NPSR1: variants seen among roughly 807,000 people sequenced by gnomAD.
NPSR1 encodes neuropeptide S receptor.
NPSR1 carries 48 observed loss-of-function variants against 46.9 expected under a neutral mutation model. That is an observed-to-expected ratio of 1.02 (90% CI 0.81 to 1.30). The LOEUF (loss-of-function observed/expected upper bound fraction) is 1.30. Among genes scored for constraint, NPSR1 ranks in the 50% most tolerant of loss-of-function variants. The pLI is 0.00. For missense variants in NPSR1, 450 were observed against 449.5 expected, an observed-to-expected ratio of 1.00 and a Z score of -0.01; for synonymous variants, 176 against 168.1, an observed-to-expected ratio of 1.05 and a Z score of -0.36.
chr7:34,843,934 G>A (rs1044980432), intron 6 of NPSR1, among the ~76,000 whole-genome samples: 2 of 152,208 alleles, frequency 1.3e-5, no homozygotes, highest in Non-Finnish European at 2.9e-5. Context: ...TGAGAGTTGT[G>A]TGGGGCTGGC....
downstream of NPSR1, among the ~76,000 whole-genome samples, chr7:34,851,332 T>C (rs909871801): frequency 1.3e-5 from 2 of 151,804 alleles, no homozygotes; most frequent in Non-Finnish European, 2.9e-5. Context: ...ATAAACTCTT[T>C]TCAATTCGAT....
intron 2 of NPSR1, among the ~76,000 whole-genome samples, chr7:34,758,805 A>G (rs755650709): frequency 2.0e-5 from 3 of 152,200 alleles, no homozygotes; most frequent in Admixed American, 6.5e-5. Context: ...AATGTCACCA[A>G]TTATCCCAAG....
At chr7:34,818,828 C>T (rs1789393993) in intron 4 of NPSR1, among the ~76,000 whole-genome samples, 2 of 152,178 alleles carry the variant, frequency 1.3e-5, no homozygotes, top group Admixed American at 1.3e-4. Flanking sequence ...AAACGATTCC[C>T]TATTTAATAA....
intron 6 of NPSR1, among the ~76,000 whole-genome samples, chr7:34,842,309 TC>T (rs1790594630): frequency 6.6e-6 from 1 of 152,200 alleles, no homozygotes; most frequent in Non-Finnish European, 1.5e-5. Flanking sequence ...AAAGCCTGTG[TC>T]CTTCCCAAGA....
chr7:34,731,414 AG>A (rs1268485860), intron 2 of NPSR1, among the ~76,000 whole-genome samples: 1 of 152,222 alleles, frequency 6.6e-6, no homozygotes, highest in Non-Finnish European at 1.5e-5. Flanking sequence ...AAAAGAAAGT[AG>A]GTTTTAAGAA....
At chr7:34,685,498 A>AG (rs535946148) in intron 2 of NPSR1, among the ~76,000 whole-genome samples, 2 of 143,908 alleles carry the variant, frequency 1.4e-5, no homozygotes, top group Non-Finnish European at 3.0e-5. Context: ...ATCAGACTAT[A>AG]GAAAAAAAAA....
In NPSR1 at chr7:34,788,606, G is replaced by A. The variant is rs1584021611; in HGVS notation, c.384+10041G>A. ...AATAATAAACGGATTATTTCATCAG[G>A]AAGAAATAACAGTTATAAATATATA... On this transcript the variant is annotated intron_variant, in intron 3 of 8. Coordinates refer to ENST00000360581, the MANE Select transcript of NPSR1 (RefSeq NM_207172.2). Among the ~76,000 whole-genome samples, 6 of 152,060 alleles carry A rather than the reference G, an allele frequency of 3.9e-5. No individual in the cohort carries two copies. The South Asian group carries it at 1.2e-3, about 32-fold the overall frequency.
chr7:34,790,726 A>G (rs950255957), intron 3 of NPSR1, among the ~76,000 whole-genome samples: 1 of 123,704 alleles, frequency 8.1e-6, no homozygotes, highest in Non-Finnish European at 1.7e-5. Flanking sequence ...AATATATGTT[A>G]TATGTTATAT....
chr7:34,725,656 CT>C (rs1384299745), intron 2 of NPSR1, among the ~76,000 whole-genome samples: 12 of 152,220 alleles, frequency 7.9e-5, no homozygotes, highest in Non-Finnish European at 1.5e-5. Context: ...CCCATACCAG[CT>C]GTTTTCACCA....
At chr7:34,779,496 T>G in intron 3 of NPSR1, 1 of 771,104 alleles carries the variant, frequency 1.3e-6, no homozygotes, top group Non-Finnish European at 1.9e-6. Flanking sequence ...TGTATATATA[T>G]TCATAAGTAA....
chr7:34,714,327 C>T (rs1038182640), intron 2 of NPSR1, among the ~76,000 whole-genome samples: 1 of 152,278 alleles, frequency 6.6e-6, no homozygotes, highest in Non-Finnish European at 1.5e-5. Flanking sequence ...TTCAGGGAGA[C>T]GGGACCACAC....
chr7:34,779,668 C>T (rs1214345294), intron 3 of NPSR1: 2 of 841,568 alleles, frequency 2.4e-6, no homozygotes, highest in African/African-American at 1.8e-5. Context: ...TTATGTACGG[C>T]TAGTATTTTC....
chr7:34,675,415 C>G (rs1562643472), intron 1 of NPSR1, among the ~76,000 whole-genome samples: 1 of 152,240 alleles, frequency 6.6e-6, no homozygotes, highest in Non-Finnish European at 1.5e-5. Flanking sequence ...TAAATCCAGA[C>G]TAGCCTGACA....
Position 34,827,393 on chromosome 7 carries a change from T to A in NPSR1, c.479-8T>A. On this transcript the variant is annotated splice_polypyrimidine_tract_variant and splice_region_variant and intron_variant, in intron 4 of 8. Coordinates refer to ENST00000360581, the MANE Select transcript of NPSR1 (RefSeq NM_207172.2). ...ATACCCAGACATTCCTCTCTTTTCT[T>A]TGGGCAGAAAAGCAAGCCAGGGTCC... 1.2e-6 allele frequency: 2 copies of A among 1,613,368 alleles called. No individual in the cohort carries two copies. Among genetic ancestry groups the A allele is most frequent in the South Asian group, 2.2e-5 (2 of 91,048 alleles).
rs551733860 is a variant in NPSR1 at position 34,845,208 on chromosome 7, G to T, written c.844+226G>T. The stretch of plus-strand genomic sequence containing the variant: ...ATACAGCTGCCTGCCAAGGCTATGG[G>T]TTGAATAATTTGGAGAAAATCTGAT... On this transcript the variant is annotated intron_variant, in intron 7 of 8. Transcript: ENST00000360581. Among the ~76,000 whole-genome samples, 4 of 152,324 alleles carry T rather than the reference G, an allele frequency of 2.6e-5. No homozygotes were observed. The South Asian group carries it at 8.3e-4, about 32-fold the overall frequency.
At chr7:34,705,873 C>T (rs1794079811) in intron 2 of NPSR1, among the ~76,000 whole-genome samples, 1 of 151,760 alleles carries the variant, frequency 6.6e-6, no homozygotes, top group Non-Finnish European at 1.5e-5. Flanking sequence ...GAGTTTTCTT[C>T]CCCATTCTTG....
chr7:34,668,365 T>C (rs1765387827), intron 1 of NPSR1, among the ~76,000 whole-genome samples: 1 of 152,244 alleles, frequency 6.6e-6, no homozygotes, highest in African/African-American at 2.4e-5. Flanking sequence ...AGAATACATT[T>C]ATTCCTTTTC....
chr7:34,711,635 T>G (rs138019272), intron 2 of NPSR1, among the ~76,000 whole-genome samples: 40 of 152,338 alleles, frequency 2.6e-4, no homozygotes, highest in Admixed American at 1.6e-3. Context: ...ACATTAGTAC[T>G]TTTCCAGAGC....
chr7:34,686,901 T>C (rs1275517238), intron 2 of NPSR1, among the ~76,000 whole-genome samples: 1 of 149,066 alleles, frequency 6.7e-6, no homozygotes, highest in Non-Finnish European at 1.5e-5. Flanking sequence ...ACATCAGAAA[T>C]GTTTCATTTT....
Sources: gnomAD v4.1 joint callset for allele counts (sites outside exome capture counted in the v4.1 genomes callset) on GRCh38, gnomAD v4.1.1 for gene constraint, MANE v1.5 for transcripts, NCBI Gene and HGNC (gene_info 2026-07-23, HGNC 2026-07-21) for gene names.